Variants in PXK observed in about 807,000 individuals in gnomAD.
PXK encodes the protein PX domain-containing protein kinase-like protein.
Under a neutral mutation model 84.7 loss-of-function variants are expected in PXK, and 35 were observed. The ratio of observed to expected loss-of-function variants is 0.41; its 90% CI spans 0.32 to 0.55. PXK has a LOEUF of 0.55. PXK is among the 20% of genes least tolerant of loss of function. The pLI, the probability that PXK is intolerant of heterozygous loss-of-function variation, is 0.21. For synonymous variants in PXK, 253 were observed against 260.8 expected (o/e 0.97, Z 0.29); for missense variants, 634 against 699.7 (o/e 0.91, Z 1.06).
chr3:58,333,442 A>G lies in PXK; in HGVS notation c.102+352A>G. ...TAGGGGAGCAGGAACGAGACCGCTC[A>G]GGACCATCCACTTCTGCCCGCCGCC... is the stretch of plus-strand genomic sequence containing the variant. On this transcript the variant is annotated intron_variant, in intron 1 of 17. Transcript: ENST00000356151. The surrounding 1 kb of genome is among the most constrained non-coding windows in gnomAD (Gnocchi z 5.4). 4.6e-6 allele frequency: 2 copies of G among 431,978 alleles called. No individual in the cohort carries two copies. Among genetic ancestry groups the G allele is most frequent in the South Asian group, 1.7e-5 (1 of 59,762 alleles). The allele number at this position is 431,978 out of a possible 1,614,324, so 26.8% of individuals were successfully genotyped here.
Position 58,425,019 on chromosome 3 carries a change from C to T in PXK, c.*59C>T, listed in dbSNP as rs571929806. ...TTTTTATTCCTACTCACCCCTACCC[C>T]CCAAACTACCCTCTTCCTGGGAAAG... On this transcript the variant is annotated 3_prime_UTR_variant, in exon 18 of 18. Transcript: ENST00000356151. 1.4e-5 allele frequency: 22 copies of T among 1,582,846 alleles called. No homozygotes were observed. The Admixed American group carries it at 1.8e-4, about 13-fold the overall frequency.
chr3:58,339,274 A>G (rs2097685584), intron 1 of PXK, among the ~76,000 whole-genome samples: 1 of 147,324 alleles, frequency 6.8e-6, no homozygotes, highest in African/African-American at 2.5e-5. Context: ...TCTGTTGCCC[A>G]GGCTGGAGTA....
chr3:58,420,627 A>G, intron 17 of PXK: 2 of 1,535,702 alleles, frequency 1.3e-6, no homozygotes, highest in Middle Eastern at 1.7e-4. Flanking sequence ...TGTGTGTGAA[A>G]TAGGACCCAA....
In PXK at chr3:58,390,503, C is replaced by T. The variant is rs201760515; in HGVS notation, c.389-79C>T. ...AAAAGGTCATAGACTATAGGGATTT[C>T]ATTTACAAGAATAATATCTTCAGCA... On this transcript the variant is annotated intron_variant, in intron 4 of 17. Transcript: ENST00000356151. The surrounding 1 kb of genome is among the most constrained non-coding windows in gnomAD (Gnocchi z 4.2). The T allele has an allele frequency of 4.2e-5, 43 of 1,033,776 alleles. No homozygotes were observed. In the East Asian group the frequency reaches 1.1e-3, roughly 25 times the overall value. The allele number at this position is 1,033,776 out of a possible 1,614,324, so 64.0% of individuals were successfully genotyped here. A position where few individuals can be genotyped will look rare whatever the true frequency, so the allele number is the denominator to read the frequency against.
chr3:58,386,356 C>A (rs1400896904), intron 4 of PXK, among the ~76,000 whole-genome samples: 1 of 124,300 alleles, frequency 8.0e-6, no homozygotes, highest in African/African-American at 3.0e-5. Flanking sequence ...AGTGCTGTAG[C>A]GTGGTCTTGG....
intron 2 of PXK, 68 bp from the exon 3 acceptor site, chr3:58,369,363 A>G (rs2098328566): frequency 2.4e-6 from 3 of 1,257,250 alleles, no homozygotes; most frequent in Admixed American, 1.8e-5. Context: ...ATTCTAATAC[A>G]TATTAAATAA....
At chr3:58,424,542 A>G (rs912980972) in intron 17 of PXK, among the ~76,000 whole-genome samples, 2 of 152,206 alleles carry the variant, frequency 1.3e-5, no homozygotes, top group African/African-American at 4.8e-5. Context: ...TAACATGACT[A>G]TTGTTTGAGA....
rs2097537424 is a variant in PXK at position 58,333,649 on chromosome 3, G to A, written c.102+559G>A. 2.2e-6 allele frequency: 1 copy of A among 456,580 alleles called. No individual in the cohort carries two copies. The highest frequency in any genetic ancestry group is 2.3e-5 in the Admixed American group (1 of 42,554). 28.3% of individuals were successfully genotyped at this position (456,580 alleles called of 1,614,324 possible). A position where few individuals can be genotyped will look rare whatever the true frequency, so the allele number is the denominator to read the frequency against. On this transcript the variant is annotated intron_variant, in intron 1 of 17. Coordinates refer to ENST00000356151, the MANE Select transcript of PXK (RefSeq NM_017771.5). The surrounding 1 kb of genome is among the most constrained non-coding windows in gnomAD (Gnocchi z 5.4). ...GGTCAGCCGCTTGGCCCTGGTCCCG[G>A]GAAGTGGTGGGGGCGGCAGTCGGGG...
At position 58,411,412 on chromosome 3, in the gene PXK, G is replaced by A. The variant is rs938712492; in HGVS notation, c.1465+1253G>A. ...AGGAAGGAGGGGTGGTCCCAATGAG[G>A]ACCAGCGCAGGCTCCTTGGGGGTGA... On this transcript the variant is annotated intron_variant, in intron 16 of 17. Coordinates refer to ENST00000356151, the MANE Select transcript of PXK (RefSeq NM_017771.5). This position sits in a 1 kb window ranked among gnomAD's most constrained non-coding sequence, Gnocchi z 4.2. Among the ~76,000 whole-genome samples, 7 of 152,196 alleles carry A rather than the reference G, an allele frequency of 4.6e-5. No homozygotes were observed. The highest frequency in any genetic ancestry group is 6.5e-5 in the Admixed American group (1 of 15,284).
chr3:58,359,585 G>A (rs1475201772), intron 1 of PXK, among the ~76,000 whole-genome samples: 2 of 151,406 alleles, frequency 1.3e-5, no homozygotes, highest in African/African-American at 2.4e-5. Flanking sequence ...CAATCGATGC[G>A]CAAAGTGATT....
At chr3:58,373,827 C>T (rs1168778893) in intron 3 of PXK, among the ~76,000 whole-genome samples, 4 of 151,922 alleles carry the variant, frequency 2.6e-5, no homozygotes, top group African/African-American at 9.7e-5. Context: ...GGGTGGATCA[C>T]GAGGTCAGGA....
In PXK at chr3:58,339,251, G is replaced by A. The variant is rs553366291; in HGVS notation, c.102+6161G>A. ...TTGTTTTTTTTTGTTTTTTTTTTTA[G>A]ACGTAGTCTTACTCTGTTGCCCAGG... On this transcript the variant is annotated intron_variant, in intron 1 of 17. Coordinates refer to ENST00000356151, the MANE Select transcript of PXK (RefSeq NM_017771.5). Among the ~76,000 whole-genome samples the A allele has an allele frequency of 2.2e-5, 3 of 138,764 alleles. No homozygotes were observed. In the South Asian group the frequency reaches 7.3e-4, roughly 34 times the overall value. The allele number at this position is 138,764 out of a possible 152,430, so 91.0% of individuals were successfully genotyped here. A position where few individuals can be genotyped will look rare whatever the true frequency, so the allele number is the denominator to read the frequency against.
At chr3:58,406,422 C>T (rs898025467) in intron 13 of PXK, among the ~76,000 whole-genome samples, 2 of 151,620 alleles carry the variant, frequency 1.3e-5, no homozygotes, top group African/African-American at 4.8e-5. Context: ...GGACAACAGG[C>T]GCGTACCACC....
At chr3:58,393,787 G>C (rs1267944869) in intron 7 of PXK, among the ~76,000 whole-genome samples, 1 of 152,096 alleles carries the variant, frequency 6.6e-6, no homozygotes, top group Non-Finnish European at 1.5e-5. Context: ...AAGCCCACTA[G>C]CATTTTAACA....
intron 3 of PXK, among the ~76,000 whole-genome samples, chr3:58,380,546 C>T (rs911481404): frequency 6.6e-6 from 1 of 152,174 alleles, no homozygotes; most frequent in Non-Finnish European, 1.5e-5. Context: ...TGCAGTGGCT[C>T]ACGCCTGTAA....
intron 12 of PXK, among the ~76,000 whole-genome samples, chr3:58,402,435 CTTT>C (rs751026027): frequency 7.0e-6 from 1 of 142,670 alleles, no homozygotes; most frequent in Admixed American, 7.0e-5. Flanking sequence ...CTTTTCTTTT[CTTT>C]TTTTTTTTTT....
intron 13 of PXK, among the ~76,000 whole-genome samples, chr3:58,406,296 G>A (rs1294694464): frequency 3.3e-5 from 4 of 120,536 alleles, no homozygotes; most frequent in African/African-American, 1.2e-4. Flanking sequence ...TTTTTTTTTT[G>A]AAGTAGGCGA....
chr3:58,381,713 T>C (rs911461549), intron 3 of PXK, among the ~76,000 whole-genome samples: 6 of 152,186 alleles, frequency 3.9e-5, no homozygotes, highest in African/African-American at 1.4e-4. Flanking sequence ...AGGATGTGTG[T>C]GAGATGAGGT....
intron 1 of PXK, among the ~76,000 whole-genome samples, chr3:58,354,945 C>T (rs182599177): frequency 1.3e-5 from 2 of 152,028 alleles, no homozygotes; most frequent in African/African-American, 4.8e-5. Context: ...ATGGTAAAAT[C>T]CCGTCTCTAC....
Sources: gnomAD v4.1 joint callset for allele counts (sites outside exome capture counted in the v4.1 genomes callset) on GRCh38, gnomAD v4.1.1 for gene constraint, Gnocchi (gnomAD v3.1) non-coding constraint, MANE v1.5 for transcripts, NCBI Gene and HGNC (gene_info 2026-07-23, HGNC 2026-07-21) for gene names.